Variants in FRMPD4 observed in about 807,000 individuals in gnomAD.
The protein encoded by FRMPD4 is FERM and PDZ domain-containing protein 4.
A neutral mutation model predicts 94.1 loss-of-function variants in FRMPD4; 22 were observed. The observed-to-expected ratio is 0.23, with a 90% CI of 0.17 to 0.33. FRMPD4 has a LOEUF of 0.33. FRMPD4 is among the 10% of genes least tolerant of loss of function. FRMPD4 has a pLI of 1.00. For synonymous variants in FRMPD4, 631 were observed against 548.6 expected (o/e 1.15, Z -2.10); for missense variants, 1,111 against 1,339.9 (o/e 0.83, Z 2.67).
At chrX:12,678,882 C>G (rs781349897) in intron 5 of FRMPD4, among the ~76,000 whole-genome samples, 20 of 112,534 alleles carry the variant, frequency 1.8e-4, no homozygotes, top group Non-Finnish European at 3.8e-4. Flanking sequence ...CTCAATGGGA[C>G]TTGAGCTAAG....
chrX:12,470,174 C>G (rs751002657), intron 1 of FRMPD4, among the ~76,000 whole-genome samples: 7 of 111,876 alleles, frequency 6.3e-5, no homozygotes, highest in Non-Finnish European at 1.1e-4. Flanking sequence ...GAGAATAAAG[C>G]CCTCTTCAGA....
At chrX:12,624,693 A>G (rs970056566) in intron 4 of FRMPD4, among the ~76,000 whole-genome samples, 1 of 111,866 alleles carries the variant, frequency 8.9e-6, no homozygotes, top group Non-Finnish European at 1.9e-5. Flanking sequence ...TTAGTTTGAC[A>G]ATACTCCAAC....
intron 1 of FRMPD4, among the ~76,000 whole-genome samples, chrX:12,266,160 A>AAAAAAAAAG (rs1569211566): frequency 2.9e-5 from 3 of 103,777 alleles, no homozygotes; most frequent in African/African-American, 1.1e-4. Context: ...AAAAAAAAAA[A>AAAAAAAAAG]AGAGAAAACA....
intron 3 of FRMPD4, among the ~76,000 whole-genome samples, chrX:11,883,777 G>T (rs1451916609): frequency 1.8e-5 from 2 of 112,048 alleles, no homozygotes; most frequent in African/African-American, 6.5e-5. Context: ...GTTTGAAACT[G>T]GTTTCTGATG....
intron 2 of FRMPD4, among the ~76,000 whole-genome samples, chrX:12,607,562 C>G (rs182579518): frequency 8.9e-6 from 1 of 112,291 alleles, no homozygotes; most frequent in East Asian, 2.8e-4. Flanking sequence ...GTGCCCCACA[C>G]TTCAAATCAG....
At chrX:12,335,529 G>T (rs1180013497) in intron 1 of FRMPD4, among the ~76,000 whole-genome samples, 1 of 111,310 alleles carries the variant, frequency 9.0e-6, no homozygotes, top group Non-Finnish European at 1.9e-5. Context: ...CCAACACAAG[G>T]AATGTATTAT....
chrX:12,413,760 T>G (rs1464633001), intron 1 of FRMPD4, among the ~76,000 whole-genome samples: 1 of 112,389 alleles, frequency 8.9e-6, no homozygotes, highest in African/African-American at 3.2e-5. Flanking sequence ...GGGCAGCCTT[T>G]AAATGTGCAA....
intron 3 of FRMPD4, among the ~76,000 whole-genome samples, chrX:12,008,757 C>A (rs752494469): frequency 8.9e-6 from 1 of 112,066 alleles, no homozygotes; most frequent in South Asian, 3.8e-4. Context: ...TGAACCAGGA[C>A]AGTAGGTCAC....
At chrX:12,454,817 T>G (rs1204316134) in intron 1 of FRMPD4, among the ~76,000 whole-genome samples, 2 of 105,571 alleles carry the variant, frequency 1.9e-5, no homozygotes, top group Admixed American at 2.0e-4. Flanking sequence ...AAAGCCACGT[T>G]TTTTTTTTTT....
intron 3 of FRMPD4, among the ~76,000 whole-genome samples, chrX:12,079,939 A>G (rs753883475): frequency 1.8e-5 from 2 of 112,797 alleles, no homozygotes; most frequent in South Asian, 7.3e-4. Context: ...AAAATTAAGG[A>G]TACATCTTAA....
At chrX:12,075,645 T>C (rs1037775086) in intron 3 of FRMPD4, among the ~76,000 whole-genome samples, 1 of 111,867 alleles carries the variant, frequency 8.9e-6, no homozygotes. Flanking sequence ...CCAACTAGCA[T>C]TGTGGGAAAG....
In FRMPD4 at chrX:12,158,223, G is replaced by T. The variant is rs142308792; in HGVS notation, c.41+19211G>T. On this transcript the variant is annotated intron_variant, in intron 1 of 16. Transcript: ENST00000675598. ...TTTGAATTGGAGGTTATCAGACTGGGCTGCAAGATGAGGATGTAGGTAGAG... is the reference window on the plus strand; with the variant it reads ...TTTGAATTGGAGGTTATCAGACTGGTCTGCAAGATGAGGATGTAGGTAGAG... Among the ~76,000 whole-genome samples the T allele has an allele frequency of 6.4e-3, 708 of 111,204 alleles. 13 individuals are homozygous for T. Among genetic ancestry groups the T allele is most frequent in the Admixed American group, 0.032 (335 of 10,426 alleles).
chrX:11,945,034 G>A (rs950612476), intron 3 of FRMPD4, among the ~76,000 whole-genome samples: 1 of 111,984 alleles, frequency 8.9e-6, no homozygotes, highest in Non-Finnish European at 1.9e-5. Flanking sequence ...TAAAGCCCAG[G>A]CCCCACCCTA....
At chrX:12,595,572 C>T (rs2059023659) in intron 2 of FRMPD4, among the ~76,000 whole-genome samples, 1 of 111,917 alleles carries the variant, frequency 8.9e-6, no homozygotes, top group Non-Finnish European at 1.9e-5. Context: ...TGCTATTAAG[C>T]ATGTATGGCC....
chrX:11,850,541 A>G (rs1292884821), intron 1 of FRMPD4, among the ~76,000 whole-genome samples: 1 of 112,620 alleles, frequency 8.9e-6, no homozygotes, highest in African/African-American at 3.2e-5. Context: ...CAAAAGGTGG[A>G]AGCAACTGAA....
At position 12,706,923 on chromosome X, in the gene FRMPD4, CTTTTTTTTT is replaced by C. The variant is rs746601138; in HGVS notation, c.1287+18_1287+26del. 11 of 609,242 alleles carry C rather than the reference CTTTTTTTTT, an allele frequency of 1.8e-5. No individual in the cohort carries two copies. The Admixed American group carries it at 3.8e-4, about 21-fold the overall frequency. The allele number at this position is 609,242 out of a possible 1,213,427, so 50.2% of individuals were successfully genotyped here. On this transcript the variant is annotated intron_variant, in intron 12 of 16. Coordinates refer to ENST00000675598, the MANE Select transcript of FRMPD4 (RefSeq NM_001368397.1). The stretch of plus-strand genomic sequence containing the variant: ...TTCAAGGCAACATTAGTGGTAATTT[CTTTTTTTTT>C]TTTTTTTTTGCTTTCTCTTGGAAGC...
At chrX:11,903,975 G>C (rs948323313) in intron 3 of FRMPD4, among the ~76,000 whole-genome samples, 2 of 110,403 alleles carry the variant, frequency 1.8e-5, no homozygotes, top group Non-Finnish European at 3.8e-5. Flanking sequence ...AGTGATGGGG[G>C]TCTCACTATG....
chrX:12,455,259 G>A (rs1039395177), intron 1 of FRMPD4, among the ~76,000 whole-genome samples: 1 of 111,426 alleles, frequency 9.0e-6, no homozygotes, highest in African/African-American at 3.3e-5. Context: ...GGTTAGACAC[G>A]TTTTCAGGAT....
At chrX:12,525,908 T>C (rs1297262567) in intron 2 of FRMPD4, among the ~76,000 whole-genome samples, 1 of 112,628 alleles carries the variant, frequency 8.9e-6, no homozygotes, top group African/African-American at 3.2e-5. Context: ...CATATGCCTA[T>C]TGACCATTTG....
Sources: allele counts gnomAD v4.1 joint callset (sites outside exome capture counted in the v4.1 genomes callset), GRCh38; gene constraint gnomAD v4.1.1; transcripts MANE v1.5; gene names NCBI Gene and HGNC (gene_info 2026-07-23, HGNC 2026-07-21).